PPARD: variants seen among roughly 807,000 people sequenced by gnomAD.
The protein encoded by PPARD is peroxisome proliferator-activated receptor delta.
PPARD carries 6 observed loss-of-function variants against 39.5 expected under a neutral mutation model. The ratio of observed to expected loss-of-function variants is 0.15; its 90% CI spans 0.08 to 0.30. PPARD has a LOEUF of 0.30. Among genes scored for constraint, PPARD ranks in the 10% least tolerant of loss-of-function variants. PPARD has a pLI of 1.00. For missense variants in PPARD, 397 were observed against 596.8 expected (o/e 0.67, Z 3.49); for synonymous variants, 210 against 231.3 (o/e 0.91, Z 0.83).
intron 2 of PPARD, among the ~76,000 whole-genome samples, chr6:35,405,732 C>T (rs1167029780): frequency 2.0e-5 from 3 of 151,604 alleles, no homozygotes; most frequent in Non-Finnish European, 4.4e-5. Context: ...CAGGTTCAGG[C>T]GATTCTCGTG....
chr6:35,347,781 G>A (rs1197954447), intron 2 of PPARD, among the ~76,000 whole-genome samples: 1 of 151,776 alleles, frequency 6.6e-6, no homozygotes, highest in African/African-American at 2.4e-5. Flanking sequence ...GCTAATTTTT[G>A]TATTTTTAGT....
intron 2 of PPARD, among the ~76,000 whole-genome samples, chr6:35,407,149 C>G (rs1339483922): frequency 6.6e-6 from 1 of 152,186 alleles, no homozygotes; most frequent in Admixed American, 6.5e-5. Flanking sequence ...GCTGTGTTGT[C>G]AAGTATATAT....
At chr6:35,390,576 A>G (rs1039151748) in intron 2 of PPARD, among the ~76,000 whole-genome samples, 6 of 152,130 alleles carry the variant, frequency 3.9e-5, no homozygotes, top group African/African-American at 7.2e-5. Context: ...AACTTTTTCT[A>G]TATCTTTCCT....
At position 35,380,576 on chromosome 6, in the gene PPARD, C is replaced by A. The variant is rs187103913; in HGVS notation, c.-101-30411C>A. Among the ~76,000 whole-genome samples the A allele has an allele frequency of 3.1e-3, 452 of 147,420 alleles. 5 individuals are homozygous for A. The highest frequency in any genetic ancestry group is 0.011 in the African/African-American group (433 of 39,702). On this transcript the variant is annotated intron_variant, in intron 2 of 7. Transcript: ENST00000360694. Reference sequence around the variant, plus strand: ...CAATCTCGGCTCACTGCAGCCTCGACCTTTCGGGCTCAAGCAGGGCTCCTC... The same window carrying A: ...CAATCTCGGCTCACTGCAGCCTCGAACTTTCGGGCTCAAGCAGGGCTCCTC...
chr6:35,413,429 G>C (rs1425344702), intron 3 of PPARD, among the ~76,000 whole-genome samples: 2 of 152,208 alleles, frequency 1.3e-5, no homozygotes, highest in African/African-American at 4.8e-5. Flanking sequence ...TAATCACTTT[G>C]TGTTAAAGCT....
At chr6:35,355,843 C>G (rs1409307722) in intron 2 of PPARD, among the ~76,000 whole-genome samples, 3 of 151,562 alleles carry the variant, frequency 2.0e-5, no homozygotes. Flanking sequence ...GATCTCCTGA[C>G]CTTGTGATCC....
chr6:35,380,459 G>GTTTTTTTGTTTGTTTGT (rs1763068480), intron 2 of PPARD, among the ~76,000 whole-genome samples: 1 of 97,114 alleles, frequency 1.0e-5, no homozygotes, highest in Non-Finnish European at 2.1e-5. Flanking sequence ...TTAACCTCGT[G>GTTTTTTTGTTTGTTTGT]TTTTTTTTTT....
chr6:35,401,414 A>G lies in PPARD; in HGVS notation c.-101-9573A>G, dbSNP rs749327957. Among the ~76,000 whole-genome samples, 1 of 152,128 alleles carries G rather than the reference A, an allele frequency of 6.6e-6. No homozygotes were observed. The highest frequency in any genetic ancestry group is 1.5e-5 in the Non-Finnish European group (1 of 68,012). On this transcript the variant is annotated intron_variant, in intron 2 of 7. Coordinates refer to ENST00000360694, the MANE Select transcript of PPARD (RefSeq NM_006238.5). The surrounding 1 kb of genome is among the most constrained non-coding windows in gnomAD (Gnocchi z 4.1). ...AGTCTGTTCTCCACAGCAGCCTGAA[A>G]AGTCTTTGTAAAAATGCAGCTCTGT...
At chr6:35,376,987 T>C (rs1162295335) in intron 2 of PPARD, among the ~76,000 whole-genome samples, 1 of 150,386 alleles carries the variant, frequency 6.6e-6, no homozygotes, top group Admixed American at 6.7e-5. Context: ...GCCACTGCAC[T>C]GCAGCCCGGG....
chr6:35,365,424 G>T (rs1481747282), intron 2 of PPARD, among the ~76,000 whole-genome samples: 2 of 150,742 alleles, frequency 1.3e-5, no homozygotes, highest in South Asian at 2.1e-4. Context: ...ACAGGTGTGA[G>T]CCACCACGCC....
At chr6:35,415,651 T>C (rs2150804685) in intron 3 of PPARD, among the ~76,000 whole-genome samples, 1 of 152,320 alleles carries the variant, frequency 6.6e-6, no homozygotes, top group African/African-American at 2.4e-5. Flanking sequence ...TTAGCGGTAC[T>C]GAACATGTAG....
intron 2 of PPARD, chr6:35,348,236 T>G (rs1326591684): frequency 1.6e-6 from 1 of 607,866 alleles, no homozygotes; most frequent in Non-Finnish European, 2.1e-6. Flanking sequence ...GTGCCAACTA[T>G]GTGCCAGGCA....
chr6:35,389,251 G>A (rs1031200050), intron 2 of PPARD, among the ~76,000 whole-genome samples: 3 of 152,166 alleles, frequency 2.0e-5, no homozygotes, highest in African/African-American at 7.2e-5. Context: ...ACCTTGTAGG[G>A]TGCTGGAAAT....
intron 2 of PPARD, among the ~76,000 whole-genome samples, chr6:35,353,984 G>C (rs994642210): frequency 6.6e-6 from 1 of 152,156 alleles, no homozygotes; most frequent in African/African-American, 2.4e-5. Context: ...TGTAATCTCA[G>C]CACTTTGGGA....
chr6:35,414,040 G>T (rs1205607865), intron 3 of PPARD, among the ~76,000 whole-genome samples: 2 of 152,078 alleles, frequency 1.3e-5, no homozygotes, highest in South Asian at 2.1e-4. Context: ...GTAAGTACTT[G>T]CTCAGCATGC....
intron 3 of PPARD, among the ~76,000 whole-genome samples, chr6:35,418,289 A>C (rs1257879482): frequency 1.3e-5 from 2 of 152,118 alleles, no homozygotes; most frequent in Non-Finnish European, 2.9e-5. Context: ...CTGTCATGTT[A>C]TCTCTTTTTC....
Position 35,424,960 on chromosome 6 carries a change from G to A in PPARD, c.1078+181G>A, listed in dbSNP as rs200533562. ...GGATCAGCTCCATCTCATTATGTACGTAGATAGAGGTGGAGACAGGAAAAA... is the reference window on the plus strand; with the variant it reads ...GGATCAGCTCCATCTCATTATGTACATAGATAGAGGTGGAGACAGGAAAAA... On this transcript the variant is annotated intron_variant, in intron 7 of 7. Transcript: ENST00000360694. This position sits in a 1 kb window ranked among gnomAD's most constrained non-coding sequence, Gnocchi z 7.1. 9.1e-6 allele frequency: 13 copies of A among 1,430,422 alleles called. No individual in the cohort carries two copies. The highest frequency in any genetic ancestry group is 1.5e-5 in the South Asian group (1 of 66,522). 88.6% of individuals were successfully genotyped at this position (1,430,422 alleles called of 1,614,324 possible).
At chr6:35,409,779 A>G (rs1341150469) in intron 2 of PPARD, among the ~76,000 whole-genome samples, 1 of 152,156 alleles carries the variant, frequency 6.6e-6, no homozygotes, top group Middle Eastern at 3.2e-3. Flanking sequence ...GTGGAAATGA[A>G]TGTGTAGCCT....
At chr6:35,354,543 C>G (rs1426275400) in intron 2 of PPARD, among the ~76,000 whole-genome samples, 1 of 152,064 alleles carries the variant, frequency 6.6e-6, no homozygotes, top group East Asian at 1.9e-4. Context: ...AGGTGACCTG[C>G]CCACCTCGGC....
Sources: gnomAD v4.1 joint callset for allele counts (sites outside exome capture counted in the v4.1 genomes callset) on GRCh38, gnomAD v4.1.1 for gene constraint, Gnocchi (gnomAD v3.1) non-coding constraint, MANE v1.5 for transcripts, NCBI Gene and HGNC (gene_info 2026-07-23, HGNC 2026-07-21) for gene names.